GPC6: variants seen among roughly 807,000 people sequenced by gnomAD.
GPC6 encodes the protein glypican-6.
GPC6 carries 14 observed loss-of-function variants against 55.2 expected under a neutral mutation model. The ratio of observed to expected loss-of-function variants is 0.25; its 90% CI spans 0.17 to 0.40. The LOEUF (loss-of-function observed/expected upper bound fraction) is 0.40. Among genes scored for constraint, GPC6 ranks in the 10% least tolerant of loss-of-function variants. GPC6 has a pLI of 1.00. For synonymous variants in GPC6, 278 were observed against 259.6 expected (o/e 1.07, Z -0.68); for missense variants, 641 against 708.5 (o/e 0.90, Z 1.08).
intron 1 of GPC6, among the ~76,000 whole-genome samples, chr13:93,343,744 G>A (rs531539201): frequency 6.6e-6 from 1 of 152,226 alleles, no homozygotes; most frequent in South Asian, 2.1e-4. Context: ...ACTACCTGAC[G>A]TTTCTTTAAC....
chr13:93,239,104 G>C (rs751630418), intron 1 of GPC6, among the ~76,000 whole-genome samples: 7 of 151,886 alleles, frequency 4.6e-5, no homozygotes, highest in Non-Finnish European at 7.4e-5. Flanking sequence ...TGGCTTCATA[G>C]GATGAGTTAG....
intron 6 of GPC6, among the ~76,000 whole-genome samples, chr13:94,361,300 T>A (rs1879048125): frequency 6.6e-6 from 1 of 152,206 alleles, no homozygotes; most frequent in Non-Finnish European, 1.5e-5. Context: ...ACCTGCATAG[T>A]TGCACAAGGC....
intron 2 of GPC6, among the ~76,000 whole-genome samples, chr13:93,801,090 A>G (rs1240423878): frequency 6.6e-6 from 1 of 152,202 alleles, no homozygotes; most frequent in Non-Finnish European, 1.5e-5. Flanking sequence ...GAAAAAGTCT[A>G]ATAAAAAGCA....
chr13:94,318,046 T>C (rs934857632), intron 6 of GPC6, among the ~76,000 whole-genome samples: 4 of 152,220 alleles, frequency 2.6e-5, no homozygotes, highest in Non-Finnish European at 5.9e-5. Context: ...CACTCAGTTG[T>C]TGTGAACAAA....
intron 1 of GPC6, among the ~76,000 whole-genome samples, chr13:93,538,874 T>A (rs1413559053): frequency 6.6e-6 from 1 of 152,218 alleles, no homozygotes; most frequent in Admixed American, 6.5e-5. Context: ...TGTTCTATTT[T>A]TTTAAATACT....
intron 1 of GPC6, among the ~76,000 whole-genome samples, chr13:93,527,111 TA>T (rs750638590): frequency 2.0e-5 from 3 of 152,092 alleles, no homozygotes; most frequent in Admixed American, 1.3e-4. Flanking sequence ...AAAACAATGT[TA>T]TTTTGATATA....
At chr13:93,254,063 C>T (rs1252687799) in intron 1 of GPC6, among the ~76,000 whole-genome samples, 1 of 152,230 alleles carries the variant, frequency 6.6e-6, no homozygotes, top group East Asian at 1.9e-4. Context: ...GTGGCTCACG[C>T]CTATAATTCA....
At chr13:94,121,937 G>C (rs1593955517) in intron 4 of GPC6, among the ~76,000 whole-genome samples, 1 of 152,150 alleles carries the variant, frequency 6.6e-6, no homozygotes, top group South Asian at 2.1e-4. Context: ...GTTCTGATAT[G>C]AGTCATATCT....
At chr13:93,975,624 T>C (rs1228930174) in intron 3 of GPC6, among the ~76,000 whole-genome samples, 2 of 152,188 alleles carry the variant, frequency 1.3e-5, no homozygotes, top group African/African-American at 4.8e-5. Context: ...TTCACAATCT[T>C]AGTTCTGTTG....
chr13:93,291,666 T>C (rs999444363), intron 1 of GPC6, among the ~76,000 whole-genome samples: 6 of 152,190 alleles, frequency 3.9e-5, no homozygotes, highest in Non-Finnish European at 7.4e-5. Flanking sequence ...TGTTCACCTG[T>C]CATTTCATTT....
At chr13:94,127,126 T>C (rs1886847699) in intron 4 of GPC6, among the ~76,000 whole-genome samples, 1 of 152,108 alleles carries the variant, frequency 6.6e-6, no homozygotes, top group Non-Finnish European at 1.5e-5. Context: ...AACTCCAATA[T>C]GTATCATTCC....
intron 4 of GPC6, among the ~76,000 whole-genome samples, chr13:94,179,960 G>A (rs1229325074): frequency 6.6e-6 from 1 of 152,096 alleles, no homozygotes; most frequent in African/African-American, 2.4e-5. Flanking sequence ...CTGATCCCAA[G>A]GTGCTTACCA....
intron 1 of GPC6, among the ~76,000 whole-genome samples, chr13:93,388,042 A>G (rs1384332264): frequency 6.6e-6 from 1 of 152,076 alleles, no homozygotes; most frequent in Non-Finnish European, 1.5e-5. Flanking sequence ...CATCCATTAT[A>G]CTCTGCAATC....
chr13:93,721,034 T>A (rs1386263580), intron 2 of GPC6, among the ~76,000 whole-genome samples: 3 of 152,046 alleles, frequency 2.0e-5, no homozygotes, highest in African/African-American at 4.8e-5. Context: ...AAAATGTATA[T>A]TCTGTTGATT....
At chr13:94,287,109 A>T (rs891108694) in intron 5 of GPC6, among the ~76,000 whole-genome samples, 1 of 152,162 alleles carries the variant, frequency 6.6e-6, no homozygotes, top group Non-Finnish European at 1.5e-5. Flanking sequence ...GTCTCCACCC[A>T]GTTGAAGATA....
intron 6 of GPC6, among the ~76,000 whole-genome samples, chr13:94,312,507 G>A (rs1876298960): frequency 6.6e-6 from 1 of 152,200 alleles, no homozygotes; most frequent in South Asian, 2.1e-4. Flanking sequence ...ACTGTCTGTT[G>A]TTCATTTTAA....
chr13:93,405,066 T>C (rs1390061621), intron 1 of GPC6, among the ~76,000 whole-genome samples: 1 of 152,116 alleles, frequency 6.6e-6, no homozygotes, highest in Non-Finnish European at 1.5e-5. Context: ...ATCAGTTGGG[T>C]TTATTTTTAT....
chr13:93,761,793 T>C (rs1884963441), intron 2 of GPC6, among the ~76,000 whole-genome samples: 1 of 152,370 alleles, frequency 6.6e-6, no homozygotes, highest in African/African-American at 2.4e-5. Flanking sequence ...ATTTTCAATA[T>C]ATGTATGTAC....
At chr13:93,654,579 C>G (rs1880571554) in intron 2 of GPC6, among the ~76,000 whole-genome samples, 1 of 152,104 alleles carries the variant, frequency 6.6e-6, no homozygotes, top group Non-Finnish European at 1.5e-5. Context: ...CCACCCGCCT[C>G]AGCCTCTCAA....
Sources: allele counts gnomAD v4.1 joint callset (sites outside exome capture counted in the v4.1 genomes callset), GRCh38; gene constraint gnomAD v4.1.1; transcripts MANE v1.5; gene names NCBI Gene and HGNC (gene_info 2026-07-23, HGNC 2026-07-21).